The following RDH16 variants were observed in gnomAD, a reference collection of about 807,000 sequenced individuals.
RDH16 encodes the protein human epidermal retinol dehydrogenase.
In RDH16, 25 loss-of-function variants were observed where a neutral mutation model predicts 22.3. That is an observed-to-expected ratio of 1.12 (90% confidence interval 0.82 to 1.56). The LOEUF (loss-of-function observed/expected upper bound fraction) is 1.56, where lower values mean the gene tolerates loss of function less well. Ranked by LOEUF, RDH16 falls within the 40% of genes most tolerant of loss-of-function variation. The probability of loss-of-function intolerance (pLI) is 0.00; values close to 1 mark genes in which losing one functional copy is unlikely to be tolerated. For missense variants in RDH16, 413 were observed against 394.9 expected, an observed-to-expected ratio of 1.05 and a Z score of -0.39; for synonymous variants, 154 against 164.4, an observed-to-expected ratio of 0.94 and a Z score of 0.48.
In RDH16 at chr12:56,952,153, G is replaced by T; in HGVS notation, c.830C>A (p.Pro277His). 1 of 1,614,148 alleles carries T rather than the reference G, an allele frequency of 6.2e-7. No individual in the cohort carries two copies. Among genetic ancestry groups the T allele is most frequent in the Non-Finnish European group, 8.5e-7 (1 of 1,180,032 alleles). The change falls in exon 4 of 4, where the codon CCC (proline) becomes CAC (histidine). Residue 277 changes from proline (P) to histidine (H), a missense_variant. Coordinates refer to ENST00000398138, the MANE Select transcript of RDH16 (RefSeq NM_003708.5). ...CCAGCCAGCTGAGTAGCGAGTACGGGGGTGGCAGGCAATCAGCGCATGCTC... is the reference window on the plus strand; with the variant it reads ...CCAGCCAGCTGAGTAGCGAGTACGGTGGTGGCAGGCAATCAGCGCATGCTC... ...CMEHALIACH[P>H]RTRYSAGWDA...
rs1397620243 is a variant in RDH16 at position 56,952,945 on chromosome 12, A to G, written c.618T>C (p.Pro206=). ...TGGTCACAGCAGTCTTGAAATAGCC[A>G]GGTTCAATCATAGCCACCTTCACCC... ...YFGVKVAMIE[P]GYFKTAVTSK... The change falls in exon 3 of 4, where the codon CCT becomes CCC. Residue 206 remains proline, a synonymous_variant. Transcript: ENST00000398138. 2 of 1,614,004 alleles carry G rather than the reference A, an allele frequency of 1.2e-6. No individual in the cohort carries two copies. The highest frequency in any genetic ancestry group is 1.7e-6 in the Non-Finnish European group (2 of 1,179,956).
In RDH16 at chr12:56,957,286, T is replaced by C. The variant is rs763878853; in HGVS notation, c.177A>G (p.Ala59=). 2.3e-5 allele frequency: 37 copies of C among 1,614,200 alleles called. No individual in the cohort carries two copies. In the Admixed American group the frequency reaches 5.8e-4, roughly 25 times the overall value. ...GCTCGGCTCCTTTCTCCGTCAGACA[T>C]GCAGCCAGCACCCGCAAGCCTCGTG... ...LDARGLRVLA[A]CLTEKGAEQL... Residue 59 remains alanine (A), a synonymous_variant, in exon 1 of 4, where the codon GCA becomes GCG. Coordinates refer to ENST00000398138, the MANE Select transcript of RDH16 (RefSeq NM_003708.5).
In RDH16 at chr12:56,952,066, A is replaced by G. The variant is rs912345765; in HGVS notation, c.917T>C (p.Met306Thr). 1.6e-5 allele frequency: 26 copies of G among 1,614,172 alleles called. No individual in the cohort carries two copies. The highest frequency in any genetic ancestry group is 2.1e-5 in the Non-Finnish European group (25 of 1,180,018). ...YMPTFLVDAIMYWVSPSPAKA... is the reference protein window; with the variant it reads ...YMPTFLVDAITYWVSPSPAKA... ...GGCCGGGCTTGGAGAGACCCAGTAC[A>G]TAATGGCATCCACCAGGAAGGTGGG... is the stretch of plus-strand genomic sequence containing the variant. The change falls in exon 4 of 4, where the codon ATG (methionine) becomes ACG (threonine). Residue 306 changes from methionine (M) to threonine (T), a missense_variant. Physicochemically the swap from Met to Thr is moderately conservative, Grantham distance 81. Coordinates refer to ENST00000398138, the MANE Select transcript of RDH16 (RefSeq NM_003708.5).
At chr12:56,955,605 A>G (rs1314384352) in intron 1 of RDH16, among the ~76,000 whole-genome samples, 1 of 152,146 alleles carries the variant, frequency 6.6e-6, no homozygotes, top group Non-Finnish European at 1.5e-5. Context: ...TGATGGAATA[A>G]GAGACAAGAA....
chr12:56,957,555 G>T lies in RDH16; in HGVS notation c.-93C>A. On this transcript the variant is annotated 5_prime_UTR_variant, in exon 1 of 4. Transcript: ENST00000398138. ...AGGATTTAAGAACACAGAGGGCTGT[G>T]GTAGGCAGGGAAGCCCTCAGGCATT... 1 of 1,404,890 alleles carries T rather than the reference G, an allele frequency of 7.1e-7. No homozygotes were observed. Among genetic ancestry groups the T allele is most frequent in the Non-Finnish European group, 9.7e-7 (1 of 1,032,494 alleles). 87.0% of individuals were successfully genotyped at this position (1,404,890 alleles called of 1,614,324 possible).
chr12:56,952,009 C>T lies in RDH16; in HGVS notation c.*20G>A. On this transcript the variant is annotated 3_prime_UTR_variant, in exon 4 of 4. Transcript: ENST00000398138. ...CATAGCACACCCCAAATCCATGCAA[C>T]CATGCATCCAACCTTAGCTTCATAG... 1 of 1,606,206 alleles carries T rather than the reference C, an allele frequency of 6.2e-7. No individual in the cohort carries two copies. Among genetic ancestry groups the T allele is most frequent in the Non-Finnish European group, 8.5e-7 (1 of 1,172,974 alleles).
At chr12:56,952,472 G>C (rs916529501) in intron 3 of RDH16, among the ~76,000 whole-genome samples, 2 of 152,124 alleles carry the variant, frequency 1.3e-5, no homozygotes, top group Non-Finnish European at 2.9e-5. Flanking sequence ...GGAATATCTG[G>C]ACTGCATAAA....
At chr12:56,954,216 T>C (rs1389032380) in intron 2 of RDH16, among the ~76,000 whole-genome samples, 1 of 152,190 alleles carries the variant, frequency 6.6e-6, no homozygotes, top group Non-Finnish European at 1.5e-5. Context: ...TGCGTCTGCA[T>C]GAGCTTGTGT....
At position 56,952,858 on chromosome 12, in the gene RDH16, C is replaced by A; in HGVS notation, c.705G>T (p.Lys235Asn). The change falls in exon 3 of 4, where the codon AAG becomes AAT. Residue 235 changes from lysine to asparagine, a missense_variant. Coordinates refer to ENST00000398138, the MANE Select transcript of RDH16 (RefSeq NM_003708.5). ...CAACAAACTTCTCGCCATAGGCCTC[C>A]TTGACCTCTGGACTGGACCGGTCCC... ...EIWDRSSPEV[K>N]EAYGEKFVAD... 6.2e-7 allele frequency: 1 copy of A among 1,613,948 alleles called. No individual in the cohort carries two copies. The highest frequency in any genetic ancestry group is 8.5e-7 in the Non-Finnish European group (1 of 1,179,914).
intron 2 of RDH16, among the ~76,000 whole-genome samples, 168 bp from the exon 3 acceptor site, chr12:56,953,158 A>C (rs1955898712): frequency 6.6e-6 from 1 of 152,222 alleles, no homozygotes; most frequent in African/African-American, 2.4e-5. Context: ...TCATGGTGGC[A>C]TTCCCTCTGT....
rs1955882287 is a variant in RDH16, at chr12:56,951,891, C to T, written c.*138G>A. The T allele has an allele frequency of 3.2e-5, 21 of 664,880 alleles. 1 individual carries two copies. The highest frequency in any genetic ancestry group is 2.8e-4 in the South Asian group (15 of 53,710). 41.2% of individuals were successfully genotyped at this position (664,880 alleles called of 1,614,324 possible). A position where few individuals can be genotyped will look rare whatever the true frequency, so the allele number is the denominator to read the frequency against. On this transcript the variant is annotated 3_prime_UTR_variant, in exon 4 of 4. Transcript: ENST00000398138. ...GAATTATCTCCCAGGAGAATCATGG[C>T]CAGGAGGTAATGAAGGAGGTGGGAT...
Position 56,957,437 on chromosome 12 carries a change from A to G in RDH16, c.26T>C (p.Val9Ala), listed in dbSNP as rs1322445503. 5.0e-6 allele frequency: 8 copies of G among 1,612,848 alleles called. 1 individual carries two copies. Among genetic ancestry groups the G allele is most frequent in the South Asian group, 2.2e-5 (2 of 91,008 alleles). ...CCAGTGCAGAAGGTAGTACAGGCCC[A>G]CGAAAACCGCCAGGTAGAGCCACAT... MWLYLAVFVGLYYLLHWYR... is the reference protein window; with the variant it reads MWLYLAVFAGLYYLLHWYR... Residue 9 changes from valine to alanine, a missense_variant, in exon 1 of 4, where the codon GTG (valine) becomes GCG (alanine). Physicochemically the swap from Val to Ala is moderately conservative, Grantham distance 64. Transcript: ENST00000398138.
chr12:56,954,686 T>C (rs191280130), intron 2 of RDH16, among the ~76,000 whole-genome samples: 30 of 152,318 alleles, frequency 2.0e-4, no homozygotes, highest in African/African-American at 7.2e-4. Flanking sequence ...AGAAACTCTC[T>C]GACCTGGGGC....
chr12:56,955,011 C>T lies in RDH16; in HGVS notation c.467G>A (p.Arg156Lys), dbSNP rs2136380670. 6.2e-7 allele frequency: 1 copy of T among 1,614,216 alleles called. No individual in the cohort carries two copies. Among genetic ancestry groups the T allele is most frequent in the Non-Finnish European group, 8.5e-7 (1 of 1,180,048 alleles). The change falls in exon 2 of 4, where the codon AGG becomes AAG. Residue 156 changes from arginine to lysine, a missense_variant. Physicochemically the swap from Arg to Lys is conservative, Grantham distance 26 (BLOSUM62 2). Transcript: ENST00000398138. The stretch of plus-strand genomic sequence containing the variant: ...ACTGGAGACGTTGACCACACGGCCC[C>T]TGGCCCTCCTCACTAAGGGCAGCAG... ...LSLLPLVRRA[R>K]GRVVNVSSVM...
intron 1 of RDH16, among the ~76,000 whole-genome samples, 196 bp from the exon 2 acceptor site, chr12:56,955,360 T>C (rs569561473): frequency 1.1e-3 from 175 of 152,194 alleles, no homozygotes; most frequent in Middle Eastern, 6.8e-3. Context: ...AAAACCCAGG[T>C]CTTTCTCCAT....
chr12:56,953,138 G>T (rs552455203), intron 2 of RDH16, 148 bp from the exon 3 acceptor site: 2 of 756,236 alleles, frequency 2.6e-6, no homozygotes, highest in Admixed American at 3.0e-5. Context: ...CAATCAAGGG[G>T]TCATAATTAT....
chr12:56,955,215 T>C (rs540218305), intron 1 of RDH16, 51 bp from the exon 2 acceptor site: 1 of 1,604,150 alleles, frequency 6.2e-7, no homozygotes, highest in East Asian at 2.2e-5. Context: ...CCTGTGCAGG[T>C]GGACAGAGTT....
chr12:56,956,690 C>T (rs1410270862), intron 1 of RDH16, among the ~76,000 whole-genome samples: 3 of 152,050 alleles, frequency 2.0e-5, no homozygotes, highest in Admixed American at 6.5e-5. Context: ...TGGAGATGAT[C>T]GTAGCTCTCA....
Position 56,957,220 on chromosome 12 carries a change from G to C in RDH16, c.243C>G (p.Thr81=). The change falls in exon 1 of 4, where the codon ACC becomes ACG. Residue 81 remains threonine (T), a synonymous_variant. Transcript: ENST00000398138. ...GQTSDRLETV[T]LDVTKTESVA... is the part of the protein sequence containing the mutation. The stretch of plus-strand genomic sequence containing the variant: ...CGCTCTCTGTCTTGGTAACATCCAG[G>C]GTCACCGTCTCCAGCCTGTCTGAAG... 1 of 1,614,102 alleles carries C rather than the reference G, an allele frequency of 6.2e-7. No individual in the cohort carries two copies. Among genetic ancestry groups the C allele is most frequent in the Non-Finnish European group, 8.5e-7 (1 of 1,180,016 alleles).
Sources: gnomAD v4.1 joint callset for allele counts (sites outside exome capture counted in the v4.1 genomes callset) on GRCh38, gnomAD v4.1.1 for gene constraint, MANE v1.5 for transcripts, NCBI Gene and HGNC (gene_info 2026-07-23, HGNC 2026-07-21) for gene names.